Variants in TGFB2 observed in about 807,000 individuals in gnomAD.
TGFB2 encodes transforming growth factor beta 2, also known as transforming growth factor beta-2 proprotein.
Under a neutral mutation model 42.7 loss-of-function variants are expected in TGFB2, and 13 were observed. That is an observed-to-expected ratio of 0.30 (90% CI 0.20 to 0.48). The LOEUF is 0.48. Among genes scored for constraint, TGFB2 ranks in the 20% least tolerant of loss-of-function variants. The pLI, the probability that TGFB2 is intolerant of heterozygous loss-of-function variation, is 0.99. For synonymous variants in TGFB2, 193 were observed against 193.6 expected (o/e 1.00, Z 0.03); for missense variants, 390 against 517.5 (o/e 0.75, Z 2.39).
chr1:218,377,231 C>T (rs1014332505), intron 1 of TGFB2, among the ~76,000 whole-genome samples: 3 of 152,148 alleles, frequency 2.0e-5, no homozygotes, highest in Non-Finnish European at 2.9e-5. Context: ...CCTAGAACAA[C>T]GTGTATTTCT....
At chr1:218,392,225 T>C (rs1008850213) in intron 1 of TGFB2, among the ~76,000 whole-genome samples, 2 of 152,016 alleles carry the variant, frequency 1.3e-5, no homozygotes, top group Non-Finnish European at 2.9e-5. Context: ...TGGTGGCGGG[T>C]GCCTGCAGTC....
chr1:218,419,208 C>T (rs968886471), intron 2 of TGFB2, among the ~76,000 whole-genome samples: 2 of 152,166 alleles, frequency 1.3e-5, no homozygotes, highest in East Asian at 1.9e-4. Context: ...ATAGGGCTCC[C>T]CCATTTGTCA....
chr1:218,360,502 G>A (rs1296698022), intron 1 of TGFB2, among the ~76,000 whole-genome samples: 1 of 152,112 alleles, frequency 6.6e-6, no homozygotes, highest in Non-Finnish European at 1.5e-5. Flanking sequence ...AACACACACT[G>A]GGGTCTGTCA....
intron 5 of TGFB2, 89 bp from the exon 6 acceptor site, chr1:218,437,254 T>C (rs1338470975): frequency 1.6e-6 from 2 of 1,277,424 alleles, no homozygotes; most frequent in South Asian, 1.6e-5. Flanking sequence ...GAATGAATCA[T>C]TTTTCTGGTT....
intron 2 of TGFB2, among the ~76,000 whole-genome samples, chr1:218,431,634 G>A (rs972453274): frequency 1.3e-5 from 2 of 152,224 alleles, no homozygotes; most frequent in African/African-American, 4.8e-5. Flanking sequence ...AATACACTGT[G>A]CTAATTAGCA....
At chr1:218,429,061 A>C (rs1032436822) in intron 2 of TGFB2, among the ~76,000 whole-genome samples, 1 of 147,368 alleles carries the variant, frequency 6.8e-6, no homozygotes, top group African/African-American at 2.5e-5. Context: ...GCTCACTGCA[A>C]CCTCCGCCTC....
chr1:218,346,960 G>A lies in TGFB2; in HGVS notation c.259G>A (p.Ala87Thr), dbSNP rs1558220233. The change falls in exon 1 of 7, where the codon GCC becomes ACC. Residue 87 changes from alanine to threonine, a missense_variant. Physicochemically the swap from Ala to Thr is moderately conservative, Grantham distance 58 (BLOSUM62 0). Coordinates refer to ENST00000366930, the MANE Select transcript of TGFB2 (RefSeq NM_003238.6). The surrounding 1 kb of genome is among the most constrained non-coding windows in gnomAD (Gnocchi z 4.9). ...CCAGGAGAAGGCGAGCCGGAGGGCG[G>A]CCGCCTGCGAGCGCGAGAGGAGCGA... is the stretch of plus-strand genomic sequence containing the variant. Reference protein sequence around the residue: ...LLQEKASRRAAACERERSDEE... With the variant: ...LLQEKASRRATACERERSDEE... 2 of 1,613,944 alleles carry A rather than the reference G, an allele frequency of 1.2e-6. No individual in the cohort carries two copies.
intron 4 of TGFB2, 41 bp downstream of exon 4, chr1:218,434,489 T>C (rs774207422): frequency 8.0e-7 from 1 of 1,255,634 alleles, no homozygotes; most frequent in South Asian, 1.2e-5. Context: ...GAGGGAAGGG[T>C]CTATATTGAT....
In TGFB2 at chr1:218,394,689, G is replaced by A. The variant is rs1343018853; in HGVS notation, c.347-10480G>A. Among the ~76,000 whole-genome samples the A allele has an allele frequency of 2.0e-5, 3 of 152,112 alleles. No individual in the cohort carries two copies. In the East Asian group the frequency reaches 5.8e-4, roughly 29 times the overall value. ...TGGTGCTGTGTTACATGTAATAGGT[G>A]GGATGGCCGGAGAGAAAATCAGAAA... On this transcript the variant is annotated intron_variant, in intron 1 of 6. Transcript: ENST00000366930.
At chr1:218,415,116 C>T (rs1228439061) in intron 2 of TGFB2, among the ~76,000 whole-genome samples, 3 of 152,124 alleles carry the variant, frequency 2.0e-5, no homozygotes, top group African/African-American at 7.2e-5. Flanking sequence ...ACCTACTTGG[C>T]AAAGATTTTA....
At chr1:218,368,597 T>A (rs759645670) in intron 1 of TGFB2, among the ~76,000 whole-genome samples, 1 of 152,174 alleles carries the variant, frequency 6.6e-6, no homozygotes, top group African/African-American at 2.4e-5. Flanking sequence ...ATTGGATAAA[T>A]GTTTTGCAGG....
intron 2 of TGFB2, among the ~76,000 whole-genome samples, chr1:218,423,027 A>T (rs780011557): frequency 5.3e-5 from 8 of 152,188 alleles, no homozygotes; most frequent in Non-Finnish European, 1.0e-4. Flanking sequence ...GGCTCCTCCA[A>T]AGCCAATGAA....
chr1:218,398,375 G>A (rs1371885841), intron 1 of TGFB2, among the ~76,000 whole-genome samples: 2 of 152,198 alleles, frequency 1.3e-5, no homozygotes, highest in African/African-American at 2.4e-5. Context: ...ATCTAAGAGG[G>A]AATAAACAAT....
intron 2 of TGFB2, among the ~76,000 whole-genome samples, chr1:218,411,772 G>A (rs1659104626): frequency 6.6e-6 from 1 of 151,524 alleles, no homozygotes; most frequent in Non-Finnish European, 1.5e-5. Context: ...GGCTGAGGCA[G>A]GAGAATCGCT....
At chr1:218,381,350 G>A (rs1257330955) in intron 1 of TGFB2, among the ~76,000 whole-genome samples, 3 of 151,600 alleles carry the variant, frequency 2.0e-5, no homozygotes, top group African/African-American at 7.3e-5. Flanking sequence ...CCGCCTCCCG[G>A]GTTCACGCCA....
chr1:218,353,813 C>G (rs1326597847), intron 1 of TGFB2, among the ~76,000 whole-genome samples: 1 of 152,144 alleles, frequency 6.6e-6, no homozygotes, highest in African/African-American at 2.4e-5. Context: ...TTGCTTGAGC[C>G]TAGGAGTTTG....
intron 1 of TGFB2, among the ~76,000 whole-genome samples, chr1:218,356,960 C>T (rs528157528): frequency 6.6e-6 from 1 of 152,310 alleles, no homozygotes; most frequent in East Asian, 1.9e-4. Context: ...GCCTGTAATC[C>T]CAGCACTTTG....
chr1:218,424,937 TAAG>T (rs913788691), intron 2 of TGFB2, among the ~76,000 whole-genome samples: 1 of 152,208 alleles, frequency 6.6e-6, no homozygotes, highest in African/African-American at 2.4e-5. Flanking sequence ...GAACTAATTT[TAAG>T]AAGACATTGG....
At chr1:218,422,907 T>G (rs1040632167) in intron 2 of TGFB2, among the ~76,000 whole-genome samples, 2 of 152,168 alleles carry the variant, frequency 1.3e-5, no homozygotes, top group African/African-American at 4.8e-5. Context: ...AGGACTCAAG[T>G]GCATACAAGA....
Sources: allele counts gnomAD v4.1 joint callset (sites outside exome capture counted in the v4.1 genomes callset), GRCh38; gene constraint gnomAD v4.1.1; non-coding constraint Gnocchi (gnomAD v3.1); transcripts MANE v1.5; gene names NCBI Gene and HGNC (gene_info 2026-07-23, HGNC 2026-07-21).